Variants in WNK2 observed in about 807,000 individuals in gnomAD.
WNK2 encodes the protein serine/threonine-protein kinase WNK2.
Under a neutral mutation model 192.1 loss-of-function variants are expected in WNK2, and 67 were observed. That is an observed-to-expected ratio of 0.35 (90% CI 0.29 to 0.43). The LOEUF is 0.43. Ranked by LOEUF, WNK2 falls within the 20% of genes least tolerant of loss-of-function variation. The pLI is 1.00. For missense variants in WNK2, 2,698 were observed against 3,089.7 expected (o/e 0.87, Z 3.01); for synonymous variants, 1,439 against 1,393.9 (o/e 1.03, Z -0.72).
chr9:93,213,275 G>A (rs1835117666), intron 2 of WNK2, among the ~76,000 whole-genome samples: 2 of 152,142 alleles, frequency 1.3e-5, no homozygotes, highest in African/African-American at 4.8e-5. Flanking sequence ...GGGGTGGTGG[G>A]CTCTGAGTTG....
At chr9:93,279,423 A>G (rs1847392243) in intron 19 of WNK2, among the ~76,000 whole-genome samples, 1 of 152,252 alleles carries the variant, frequency 6.6e-6, no homozygotes, top group East Asian at 1.9e-4. Flanking sequence ...AACAATGCTC[A>G]TGGAAATTAA....
chr9:93,221,676 C>T (rs1427984024), intron 2 of WNK2, among the ~76,000 whole-genome samples: 3 of 152,286 alleles, frequency 2.0e-5, no homozygotes, highest in East Asian at 3.9e-4. Flanking sequence ...GAAGAAAATC[C>T]TTTGGTCCTT....
intron 2 of WNK2, among the ~76,000 whole-genome samples, chr9:93,204,442 C>T (rs1029630354): frequency 2.0e-5 from 3 of 152,146 alleles, no homozygotes; most frequent in Non-Finnish European, 2.9e-5. Context: ...GCCAGAAAGG[C>T]GGGGCCAGCC....
intron 19 of WNK2, among the ~76,000 whole-genome samples, chr9:93,283,079 A>T (rs943734805): frequency 6.6e-6 from 1 of 152,218 alleles, no homozygotes; most frequent in Admixed American, 6.5e-5. Context: ...ATGGAAACTA[A>T]TAAAACATTC....
chr9:93,298,192 A>G (rs139015762), intron 24 of WNK2, 125 bp downstream of exon 24: 1 of 1,043,812 alleles, frequency 9.6e-7, no homozygotes, highest in East Asian at 2.6e-5. Context: ...TTATCTCCTT[A>G]CTGAATCTCC....
At chr9:93,184,802 C>A in intron 1 of WNK2, 126 bp from the exon 2 acceptor site, 1 of 882,552 alleles carries the variant, frequency 1.1e-6, no homozygotes, top group Non-Finnish European at 1.5e-6. Flanking sequence ...AGACGGCCCC[C>A]GCAGGCTCTC....
chr9:93,204,125 G>A (rs758412125), intron 2 of WNK2, among the ~76,000 whole-genome samples: 1 of 152,116 alleles, frequency 6.6e-6, no homozygotes. Context: ...CACTGAGGAG[G>A]TGTTTTAACT....
intron 23 of WNK2, among the ~76,000 whole-genome samples, chr9:93,293,830 T>TTC (rs374198218): frequency 6.6e-6 from 1 of 151,158 alleles, no homozygotes; most frequent in Non-Finnish European, 1.5e-5. Context: ...TCCTTTCTCC[T>TTC]TCTCTCTCTC....
At chr9:93,310,034 T>A (rs1413706846) in intron 28 of WNK2, among the ~76,000 whole-genome samples, 23 of 152,378 alleles carry the variant, frequency 1.5e-4, no homozygotes, top group Admixed American at 8.5e-4. Flanking sequence ...GCTTGCGGTT[T>A]GTGGAGATCT....
chr9:93,314,900 T>C (rs989976761), intron 28 of WNK2, among the ~76,000 whole-genome samples: 1 of 152,098 alleles, frequency 6.6e-6, no homozygotes, highest in African/African-American at 2.4e-5. Context: ...CGGGGGGGGT[T>C]TTGCTGAAGC....
intron 19 of WNK2, 133 bp from the exon 20 acceptor site, chr9:93,288,655 G>T (rs1394016721): frequency 3.2e-6 from 3 of 926,258 alleles, no homozygotes; most frequent in Non-Finnish European, 4.8e-6. Context: ...GGAGCCTGGC[G>T]TGTCGGGAAA....
rs768521203 is a variant in WNK2 at position 93,292,378 on chromosome 9, G to A, written c.5007G>A (p.Val1669=). The A allele has an allele frequency of 1.2e-6, 2 of 1,613,930 alleles. No individual in the cohort carries two copies. The highest frequency in any genetic ancestry group is 1.1e-5 in the South Asian group (1 of 91,080). ...GGCAGGTGGCCTCAGACTCCCATGT[G>A]GTCCCCAGCGTCCCCCAGGTAAGGG... ...DGRQVASDSH[V]VPSVPQDVPA... The change falls in exon 22 of 30, where the codon GTG becomes GTA. Residue 1669 remains valine, a synonymous_variant. Transcript: ENST00000427277.
chr9:93,195,426 C>T (rs764754453), intron 2 of WNK2, among the ~76,000 whole-genome samples: 4 of 152,166 alleles, frequency 2.6e-5, no homozygotes, highest in African/African-American at 7.2e-5. Flanking sequence ...GGGCCAGGCG[C>T]GGTGGCTCAC....
At chr9:93,317,690 A>G (rs1854963005) in intron 29 of WNK2, 59 bp downstream of exon 29, 1 of 1,571,134 alleles carries the variant, frequency 6.4e-7, no homozygotes, top group African/African-American at 1.3e-5. Context: ...GTCAGTACAG[A>G]GGCCTGCTCC....
intron 19 of WNK2, among the ~76,000 whole-genome samples, chr9:93,286,338 A>G (rs1053625261): frequency 6.6e-6 from 1 of 152,216 alleles, no homozygotes; most frequent in African/African-American, 2.4e-5. Flanking sequence ...AGCTCTGTAG[A>G]AAAGCAGGCA....
rs145935514 is a variant in WNK2 at position 93,239,316 on chromosome 9, T to C, written c.1323-441T>C. On this transcript the variant is annotated intron_variant, in intron 6 of 29. Coordinates refer to ENST00000427277, the MANE Select transcript of WNK2 (RefSeq NM_006648.4). The surrounding 1 kb of genome is among the most constrained non-coding windows in gnomAD (Gnocchi z 4.2). ...CCCCCTTGAAAAGGTCACTGCTTCA[T>C]GGCACTGGGCACAGGGAGCTCAGAG... Among the ~76,000 whole-genome samples, 1,073 of 152,352 alleles carry C rather than the reference T, an allele frequency of 7.0e-3. 9 individuals carry two copies. Among genetic ancestry groups the C allele is most frequent in the Non-Finnish European group, 0.011 (762 of 68,022 alleles).
Position 93,288,889 on chromosome 9 carries a change from G to A in WNK2, c.4135G>A (p.Ala1379Thr). ...GGCGGGCCCCAGCAACCCTCCTGGG[G>A]CACCCCCAGCCCCTTTGGCCCCCTC... ...SQAGPSNPPG[A>T]PPAPLAPSSP... The change falls in exon 20 of 30, where the codon GCA (alanine) becomes ACA (threonine). Residue 1379 changes from alanine (A) to threonine (T), a missense_variant. Coordinates refer to ENST00000427277, the MANE Select transcript of WNK2 (RefSeq NM_006648.4). 2 of 1,609,646 alleles carry A rather than the reference G, an allele frequency of 1.2e-6. No individual in the cohort carries two copies. The highest frequency in any genetic ancestry group is 1.7e-6 in the Non-Finnish European group (2 of 1,178,618).
intron 14 of WNK2, 162 bp from the exon 15 acceptor site, chr9:93,263,404 C>T: frequency 1.2e-6 from 1 of 854,344 alleles, no homozygotes; most frequent in Non-Finnish European, 1.8e-6. Flanking sequence ...GGGTGAGGGC[C>T]CAGAAGCAGG....
chr9:93,278,690 C>T (rs1255115819), intron 19 of WNK2, among the ~76,000 whole-genome samples: 1 of 152,196 alleles, frequency 6.6e-6, no homozygotes, highest in Non-Finnish European at 1.5e-5. Flanking sequence ...CATTATCTGG[C>T]ATCCAATCCA....
Sources: gnomAD v4.1 joint callset for allele counts (sites outside exome capture counted in the v4.1 genomes callset) on GRCh38, gnomAD v4.1.1 for gene constraint, Gnocchi (gnomAD v3.1) non-coding constraint, MANE v1.5 for transcripts, NCBI Gene and HGNC (gene_info 2026-07-23, HGNC 2026-07-21) for gene names.